Variants in OBSL1 observed in about 807,000 individuals in gnomAD.
The protein encoded by OBSL1 is obscurin-like protein 1.
A neutral mutation model predicts 172.0 loss-of-function variants in OBSL1; 160 were observed. That is an observed-to-expected ratio of 0.93 (90% CI 0.82 to 1.06). The LOEUF (loss-of-function observed/expected upper bound fraction) is 1.06. Ranked by LOEUF, OBSL1 falls within the 50% of genes least tolerant of loss-of-function variation. The pLI is 0.00. For missense variants in OBSL1, 2,681 were observed against 2,715.4 expected (o/e 0.99, Z 0.28); for synonymous variants, 1,200 against 1,196.3 (o/e 1.00, Z -0.06).
Position 219,557,377 on chromosome 2 carries a change from G to C in OBSL1, c.4032C>G (p.Pro1344=), listed in dbSNP as rs112751766. 3.6e-3 allele frequency: 5,491 copies of C among 1,530,316 alleles called. 151 individuals carry two copies. The African/African-American group carries it at 0.064, about 18-fold the overall frequency. The allele number at this position is 1,530,316 out of a possible 1,614,324, so 94.8% of individuals were successfully genotyped here. The part of the protein sequence containing the change: ...GDAGEYLCDA[P]QDSRIFLVSV... ...TGACAAGGAAGATGCGGCTGTCCTG[G>C]GGCGCATCGCACAGGTACTCCCCAG... Residue 1344 remains proline (P), a synonymous_variant, in exon 12 of 21, where the codon CCC becomes CCG. Coordinates refer to ENST00000404537, the MANE Select transcript of OBSL1 (RefSeq NM_015311.3).
At chr2:219,553,738 C>A in intron 15 of OBSL1, 52 bp from the exon 16 acceptor site, 2 of 1,314,768 alleles carry the variant, frequency 1.5e-6, no homozygotes, top group South Asian at 2.4e-5. Context: ...GGGGACCCAT[C>A]TTGCAGGGAC....
rs749119185 is a variant in OBSL1 at position 219,567,367 on chromosome 2, A to G, written c.1743T>C (p.Cys581=). 4.3e-6 allele frequency: 7 copies of G among 1,612,872 alleles called. No homozygotes were observed. In the Admixed American group the frequency reaches 5.0e-5, roughly 12 times the overall value. ...AGCGGTAGTCACCCTCGGAGGGCACACAGTCGCCCGGCACCTCCACGGCTC... is the reference window on the plus strand; with the variant it reads ...AGCGGTAGTCACCCTCGGAGGGCACGCAGTCGCCCGGCACCTCCACGGCTC... ...KAGAVEVPGD[C]VPSEGDYRFR... is the part of the protein sequence containing the mutation. The change falls in exon 4 of 21, where the codon TGT becomes TGC. Residue 581 remains cysteine, a synonymous_variant. Transcript: ENST00000404537.
intron 14 of OBSL1, 49 bp from the exon 15 acceptor site, chr2:219,554,789 C>T: frequency 1.3e-6 from 2 of 1,497,390 alleles, no homozygotes; most frequent in Non-Finnish European, 1.8e-6. Context: ...CAGCTCTGGG[C>T]AGGGGTTGCA....
Position 219,567,503 on chromosome 2 carries a change from A to G in OBSL1, c.1607T>C (p.Leu536Ser). Residue 536 changes from leucine to serine, a missense_variant, in exon 4 of 21, where the codon TTG (leucine) becomes TCG (serine). By Grantham distance (145) the Leu-to-Ser change is moderately radical (BLOSUM62 -2). Transcript: ENST00000404537. Reference protein sequence around the residue: ...MFKGHKNTVLLTWKPPEPAPE... With the variant: ...MFKGHKNTVLSTWKPPEPAPE... Reference sequence around the variant, plus strand: ...AGCTGGCTCGGGAGGCTTCCAGGTCAACAGGACCGTGTTCTTGTGGCCCTT... The same window carrying G: ...AGCTGGCTCGGGAGGCTTCCAGGTCGACAGGACCGTGTTCTTGTGGCCCTT... The G allele has an allele frequency of 6.2e-7, 1 of 1,613,592 alleles. No individual in the cohort carries two copies. The highest frequency in any genetic ancestry group is 8.5e-7 in the Non-Finnish European group (1 of 1,179,764).
chr2:219,564,065 T>C (rs1696695876), intron 6 of OBSL1, among the ~76,000 whole-genome samples: 1 of 152,156 alleles, frequency 6.6e-6, no homozygotes, highest in South Asian at 2.1e-4. Flanking sequence ...CTCCAGGTAG[T>C]GGGTTCCCTG....
Position 219,556,511 on chromosome 2 carries a change from C to G in OBSL1, c.4279G>C (p.Gly1427Arg). ...TLRGCQLGDA[G>R]TVTLRAGSTA... ...CTCCCTGCCCGCAAAGTCACGGTCC[C>G]TGCATCCCCCAGTTGGCAGCCTCGC... is the stretch of plus-strand genomic sequence containing the variant. The change falls in exon 13 of 21, where the codon GGG (glycine) becomes CGG (arginine). Residue 1427 changes from glycine to arginine, a missense_variant. This residue lies in a region of OBSL1 where 1,765 missense variants were observed against 1,748.3 expected (regional missense o/e 1.01). Transcript: ENST00000404537. 2 of 1,613,926 alleles carry G rather than the reference C, an allele frequency of 1.2e-6. No individual in the cohort carries two copies. The highest frequency in any genetic ancestry group is 1.7e-6 in the Non-Finnish European group (2 of 1,179,882).
At chr2:219,552,080 C>CT in intron 19 of OBSL1, 32 bp downstream of exon 19, 1 of 1,544,778 alleles carries the variant, frequency 6.5e-7, no homozygotes, top group Non-Finnish European at 8.8e-7. Context: ...ACAGGATGTA[C>CT]ACTCTCTGTC....
rs751546906 is a variant in OBSL1, at chr2:219,558,010, G to A, written c.3603C>T (p.Gly1201=). The change falls in exon 11 of 21, where the codon GGC becomes GGT. Residue 1201 remains glycine, a synonymous_variant. Transcript: ENST00000404537. ...CATTGTGGCTCCAGACCACGGGGGC[G>A]CCAGCCCGGGACAGTTCACAGCTCA... ...VVLSCELSRA[G]APVVWSHNGR... 18 of 1,612,526 alleles carry A rather than the reference G, an allele frequency of 1.1e-5. No individual in the cohort carries two copies. Among genetic ancestry groups the A allele is most frequent in the Non-Finnish European group, 1.4e-5 (17 of 1,179,552 alleles).
chr2:219,557,660 A>T, intron 11 of OBSL1, 42 bp from the exon 12 acceptor site: 1 of 1,506,732 alleles, frequency 6.6e-7, no homozygotes, highest in South Asian at 1.3e-5. Flanking sequence ...GGAGAGGCTC[A>T]GGGCTTTGAG....
At chr2:219,553,725 G>A (rs1041218740) in intron 15 of OBSL1, 39 bp from the exon 16 acceptor site, 6 of 1,454,930 alleles carry the variant, frequency 4.1e-6, no homozygotes, top group Admixed American at 3.5e-5. Context: ...GAGGGAGCAG[G>A]ATGGGGACCC....
At position 219,553,676 on chromosome 2, in the gene OBSL1, C is replaced by T; in HGVS notation, c.4887G>A (p.Val1629=). ...GGTCGTGTGGCCCCCGCACGATGGTCACTGGGACCTCTGGGGGTGGGAGAG... is the reference window on the plus strand; with the variant it reads ...GGTCGTGTGGCCCCCGCACGATGGTTACTGGGACCTCTGGGGGTGGGAGAG... ...AARLIVREVP[V]TIVRGPHDLE... Residue 1629 remains valine, a synonymous_variant, in exon 16 of 21, where the codon GTG becomes GTA. Coordinates refer to ENST00000404537, the MANE Select transcript of OBSL1 (RefSeq NM_015311.3). The T allele has an allele frequency of 1.9e-6, 3 of 1,612,928 alleles. No homozygotes were observed. The highest frequency in any genetic ancestry group is 2.5e-6 in the Non-Finnish European group (3 of 1,179,310).
chr2:219,547,389 A>G (rs1559126820), downstream of OBSL1: 3 of 815,896 alleles, frequency 3.7e-6, no homozygotes, highest in African/African-American at 5.3e-5. Flanking sequence ...CAATTCTCTG[A>G]TCTTAGTGTC....
intron 8 of OBSL1, among the ~76,000 whole-genome samples, chr2:219,559,835 G>T (rs935757036): frequency 6.6e-6 from 1 of 152,082 alleles, no homozygotes; most frequent in Non-Finnish European, 1.5e-5. Flanking sequence ...GAAAGATACA[G>T]AATCTTACAG....
chr2:219,548,813 G>A (rs531409400), downstream of OBSL1, among the ~76,000 whole-genome samples: 2 of 152,282 alleles, frequency 1.3e-5, no homozygotes, highest in Non-Finnish European at 2.9e-5. Context: ...GCATTGGAGG[G>A]AGCAAGTGTA....
At chr2:219,549,353 C>A, downstream of OBSL1, 2 of 1,611,124 alleles carry the variant, frequency 1.2e-6, no homozygotes, top group South Asian at 1.1e-5. Context: ...GTCCTCTCCC[C>A]GGTGAGCTCC....
Position 219,552,149 on chromosome 2 carries a change from C to T in OBSL1, c.5376G>A (p.Ala1792=). 6.2e-7 allele frequency: 1 copy of T among 1,611,850 alleles called. No homozygotes were observed. Among genetic ancestry groups the T allele is most frequent in the Non-Finnish European group, 8.5e-7 (1 of 1,179,376 alleles). The change falls in exon 19 of 21, where the codon GCG becomes GCA. Residue 1792 remains alanine, a synonymous_variant. Transcript: ENST00000404537. ...GTAGAGCCAGGGACTGGGCGGGCCC[C>T]GCCTGGAAGCGGACTTCACCGGCGT... ...AEDAGEVRFQ[A]GPAQSLALLE... is the part of the protein sequence containing the mutation.
At chr2:219,555,643 C>G in intron 14 of OBSL1, 1 of 1,052,940 alleles carries the variant, frequency 9.5e-7, no homozygotes, top group Non-Finnish European at 1.1e-6. Context: ...ACATAGGAAA[C>G]AGAGGGCTCC....
Position 219,551,692 on chromosome 2 carries a change from G to A in OBSL1, c.5520C>T (p.Cys1840=). The A allele has an allele frequency of 6.2e-7, 1 of 1,611,072 alleles. No homozygotes were observed. The highest frequency in any genetic ancestry group is 1.1e-5 in the South Asian group (1 of 90,912). ...ACAGCTCGGCCCCCTCCCGCAGCCA[G>A]CACACGTGGCCCCCCGAGCGGGACA... The part of the protein sequence containing the change: ...VTVSRSGGHV[C]WLREGAELCP... Residue 1840 remains cysteine (C), a synonymous_variant, in exon 20 of 21, where the codon TGC becomes TGT. Transcript: ENST00000404537.
At chr2:219,548,053 G>A (rs1262829449), downstream of OBSL1, 2 of 1,574,386 alleles carry the variant, frequency 1.3e-6, no homozygotes, top group Non-Finnish European at 1.7e-6. Flanking sequence ...AGTGGAGGGT[G>A]ACAGCTGAGG....
Sources: gnomAD v4.1 joint callset for allele counts (sites outside exome capture counted in the v4.1 genomes callset) on GRCh38, gnomAD v4.1.1 for gene constraint, gnomAD v4.1.1 regional missense constraint, MANE v1.5 for transcripts, NCBI Gene and HGNC (gene_info 2026-07-23, HGNC 2026-07-21) for gene names.